PPP1R3A: variants seen among roughly 807,000 people sequenced by gnomAD.
PPP1R3A encodes the protein protein phosphatase 1 regulatory subunit 3A, also known as RG1.
PPP1R3A carries 29 observed loss-of-function variants against 41.7 expected under a neutral mutation model. The observed-to-expected ratio is 0.70, with a 90% CI of 0.52 to 0.95. The LOEUF is 0.95. PPP1R3A is among the 40% of genes least tolerant of loss of function. PPP1R3A has a pLI of 0.00. For synonymous variants in PPP1R3A, 485 were observed against 453.4 expected (o/e 1.07, Z -0.89); for missense variants, 1,352 against 1,292.4 (o/e 1.05, Z -0.71).
At chr7:113,899,811 A>T (rs1352019278) in intron 1 of PPP1R3A, among the ~76,000 whole-genome samples, 1 of 151,766 alleles carries the variant, frequency 6.6e-6, no homozygotes, top group Non-Finnish European at 1.5e-5. Flanking sequence ...TTTGAGACGC[A>T]CTGGTTTACA....
rs1796612610 is a variant in PPP1R3A at position 113,878,493 on chromosome 7, C to T, written c.2599G>A (p.Gly867Arg). 3.7e-6 allele frequency: 6 copies of T among 1,613,096 alleles called. No individual in the cohort carries two copies. The African/African-American group carries it at 6.7e-5, about 18-fold the overall frequency. Residue 867 changes from glycine (G) to arginine (R), a missense_variant, in exon 4 of 4, where the codon GGA becomes AGA. Gly to Arg is a moderately radical substitution (Grantham distance 125, BLOSUM62 -2). Coordinates refer to ENST00000284601, the MANE Select transcript of PPP1R3A (RefSeq NM_002711.4). The stretch of plus-strand genomic sequence containing the variant: ...ACAGTTTTGTCTGTTGGTAACATTC[C>T]CAACTGTAAATCCAGTTTTGAAGTT... ...KATSKLDLQLGMLPTDKTVFS... is the reference protein window; with the variant it reads ...KATSKLDLQLRMLPTDKTVFS...
At position 113,878,290 on chromosome 7, in the gene PPP1R3A, T is replaced by C. The variant is rs913567226; in HGVS notation, c.2802A>G (p.Val934=). Residue 934 remains valine (V), a synonymous_variant, in exon 4 of 4, where the codon GTA becomes GTG. Coordinates refer to ENST00000284601, the MANE Select transcript of PPP1R3A (RefSeq NM_002711.4). ...SVSTNEQAIA[V]ENAVTTMASQ... is the part of the protein sequence containing the mutation. ...TAGCCATGGTAGTAACTGCATTCTC[T>C]ACAGCAATTGCCTGCTCATTAGTTG... 2.5e-6 allele frequency: 4 copies of C among 1,613,098 alleles called. No homozygotes were observed. Among genetic ancestry groups the C allele is most frequent in the East Asian group, 2.2e-5 (1 of 44,840 alleles).
intron 1 of PPP1R3A, among the ~76,000 whole-genome samples, chr7:113,883,368 A>G (rs1474611572): frequency 1.3e-5 from 2 of 151,998 alleles, no homozygotes; most frequent in Admixed American, 1.3e-4. Context: ...TCTGATCCAA[A>G]TCCCAGGAAG....
chr7:113,903,738 G>C (rs929415444), intron 1 of PPP1R3A, among the ~76,000 whole-genome samples: 1 of 151,628 alleles, frequency 6.6e-6, no homozygotes, highest in Non-Finnish European at 1.5e-5. Flanking sequence ...CTTGAGCATA[G>C]AGACTAAAGC....
At chr7:113,881,330 T>C (rs1796692929) in intron 3 of PPP1R3A, among the ~76,000 whole-genome samples, 1 of 152,038 alleles carries the variant, frequency 6.6e-6, no homozygotes, top group Non-Finnish European at 1.5e-5. Flanking sequence ...ATTCCAATGA[T>C]ATGAGCTCCA....
At position 113,880,480 on chromosome 7, in the gene PPP1R3A, G is replaced by A. The variant is rs148253274; in HGVS notation, c.967-355C>T. 5.8e-3 allele frequency among the ~76,000 whole-genome samples: 889 copies of A among 152,036 alleles called. 6 individuals carry two copies. The highest frequency in any genetic ancestry group is 7.7e-3 in the Non-Finnish European group (521 of 67,962). The stretch of plus-strand genomic sequence containing the variant: ...AATCAATTAGACAGCAGCTTCCTGG[G>A]TGCCCCTTGCTGCATTTACACTTGC... On this transcript the variant is annotated intron_variant, in intron 3 of 3. Transcript: ENST00000284601.
rs761979662 is a variant in PPP1R3A at position 113,877,974 on chromosome 7, T to A, written c.3118A>T (p.Thr1040Ser). Residue 1040 changes from threonine to serine, a missense_variant, in exon 4 of 4, where the codon ACT becomes TCT. Coordinates refer to ENST00000284601, the MANE Select transcript of PPP1R3A (RefSeq NM_002711.4). ...CTGTCAGATTCCTTTTCACCTGAAG[T>A]GTATAGTGATTGCCCAGAGCTTACT... Reference protein sequence around the residue: ...GLVSSGQSLYTSGEKESDSSA... With the variant: ...GLVSSGQSLYSSGEKESDSSA... 6.2e-7 allele frequency: 1 copy of A among 1,613,360 alleles called. No individual in the cohort carries two copies. Among genetic ancestry groups the A allele is most frequent in the South Asian group, 1.1e-5 (1 of 91,072 alleles).
At chr7:113,916,408 C>A (rs1410209276) in intron 1 of PPP1R3A, among the ~76,000 whole-genome samples, 1 of 151,940 alleles carries the variant, frequency 6.6e-6, no homozygotes, top group Non-Finnish European at 1.5e-5. Flanking sequence ...AGGAGAAGTT[C>A]CAAAAATATT....
chr7:113,882,391 GA>G (rs1796709695), intron 1 of PPP1R3A, 71 bp from the exon 2 acceptor site: 4 of 919,224 alleles, frequency 4.4e-6, no homozygotes, highest in African/African-American at 3.3e-5. Flanking sequence ...TACACAGGGG[GA>G]AATTCAATCA....
In PPP1R3A at chr7:113,879,309, C is replaced by T. The variant is rs1035645128; in HGVS notation, c.1783G>A (p.Val595Met). 7 of 1,613,594 alleles carry T rather than the reference C, an allele frequency of 4.3e-6. No individual in the cohort carries two copies. The highest frequency in any genetic ancestry group is 5.9e-6 in the Non-Finnish European group (7 of 1,179,704). ...AAATGATGATGCTCTGGGGTTAACACAGCTTCTTCCCAACTTAAATTTGTC... is the reference window on the plus strand; with the variant it reads ...AAATGATGATGCTCTGGGGTTAACATAGCTTCTTCCCAACTTAAATTTGTC... The part of the protein sequence containing the change: ...PRTNLSWEEA[V>M]LTPEHHHLTS... The change falls in exon 4 of 4, where the codon GTG (valine) becomes ATG (methionine). Residue 595 changes from valine (V) to methionine (M), a missense_variant. Coordinates refer to ENST00000284601, the MANE Select transcript of PPP1R3A (RefSeq NM_002711.4).
chr7:113,881,633 C>T (rs1031746010), intron 3 of PPP1R3A, among the ~76,000 whole-genome samples: 2 of 152,006 alleles, frequency 1.3e-5, no homozygotes, highest in African/African-American at 4.8e-5. Flanking sequence ...AATGCTGTTA[C>T]ATGTGAGAAT....
Position 113,918,772 on chromosome 7 carries a change from C to T in PPP1R3A, c.225G>A (p.Val75=). 2 of 1,613,890 alleles carry T rather than the reference C, an allele frequency of 1.2e-6. No homozygotes were observed. Among genetic ancestry groups the T allele is most frequent in the Non-Finnish European group, 1.7e-6 (2 of 1,179,874 alleles). The change falls in exon 1 of 4, where the codon GTG becomes GTA. Residue 75 remains valine (V), a synonymous_variant. Transcript: ENST00000284601. ...CCCAGCAATCAAATTCTTTAACAGA[C>T]ACAAGATTGAATCCAAAGGAATCAG... ...SFADSFGFNL[V]SVKEFDCWEL...
chr7:113,918,981 C>T lies in PPP1R3A; in HGVS notation c.16G>A (p.Val6Ile), dbSNP rs1301821821. Residue 6 changes from valine to isoleucine, a missense_variant, in exon 1 of 4, where the codon GTA (valine) becomes ATA (isoleucine). Val to Ile is a conservative substitution (Grantham distance 29). Coordinates refer to ENST00000284601, the MANE Select transcript of PPP1R3A (RefSeq NM_002711.4). MEPSEVPSQISKDNFL... is the reference protein window; with the variant it reads MEPSEIPSQISKDNFL... ...TTATCTTTGCTAATCTGACTAGGTA[C>T]TTCAGAAGGCTCCATTGGGCTCTCT... 1.9e-6 allele frequency: 3 copies of T among 1,612,186 alleles called. No individual in the cohort carries two copies. Among genetic ancestry groups the T allele is most frequent in the African/African-American group, 2.7e-5 (2 of 74,860 alleles).
At chr7:113,884,375 A>G (rs1453928362) in intron 1 of PPP1R3A, among the ~76,000 whole-genome samples, 1 of 152,036 alleles carries the variant, frequency 6.6e-6, no homozygotes, top group Non-Finnish European at 1.5e-5. Flanking sequence ...TTTAATGAAG[A>G]TTTATTTATT....
chr7:113,891,038 T>C (rs1345844233), intron 1 of PPP1R3A, among the ~76,000 whole-genome samples: 3 of 145,082 alleles, frequency 2.1e-5, no homozygotes, highest in Non-Finnish European at 4.5e-5. Context: ...TTAGTCATTA[T>C]GTTAGTGTTC....
chr7:113,918,123 A>T, intron 1 of PPP1R3A, 92 bp downstream of exon 1: 1 of 1,272,376 alleles, frequency 7.9e-7, no homozygotes, highest in Non-Finnish European at 1.1e-6. Context: ...GTATATTTTT[A>T]AATAGAGTCA....
chr7:113,895,310 T>A (rs1473051373), intron 1 of PPP1R3A, among the ~76,000 whole-genome samples: 1 of 151,972 alleles, frequency 6.6e-6, no homozygotes, highest in Non-Finnish European at 1.5e-5. Flanking sequence ...TCAATATGTT[T>A]TATGGTAAAT....
chr7:113,911,681 A>G (rs1797254234), intron 1 of PPP1R3A, among the ~76,000 whole-genome samples: 1 of 152,118 alleles, frequency 6.6e-6, no homozygotes, highest in South Asian at 2.1e-4. Flanking sequence ...ATTTACCCAT[A>G]GAAGCAATGC....
Position 113,882,069 on chromosome 7 carries a change from A to T in PPP1R3A, c.936T>A (p.Asp312Glu). The change falls in exon 3 of 4, where the codon GAT (aspartate) becomes GAA (glutamate). Residue 312 changes from aspartate to glutamate, a missense_variant. Physicochemically the swap from Asp to Glu is conservative, Grantham distance 45. Transcript: ENST00000284601. ...ACTCTAATTCTTTTTCATTATGTTC[A>T]TCATGTTCCCTGTTTACATCTTTTA... Reference protein sequence around the residue: ...RNVKDVNREHDEHNEKELELM... With the variant: ...RNVKDVNREHEEHNEKELELM... 6.2e-7 allele frequency: 1 copy of T among 1,612,676 alleles called. No individual in the cohort carries two copies. The highest frequency in any genetic ancestry group is 8.5e-7 in the Non-Finnish European group (1 of 1,179,066).
Sources: allele counts gnomAD v4.1 joint callset (sites outside exome capture counted in the v4.1 genomes callset), GRCh38; gene constraint gnomAD v4.1.1; transcripts MANE v1.5; gene names NCBI Gene and HGNC (gene_info 2026-07-23, HGNC 2026-07-21).